TSHZ2: variants seen among roughly 807,000 people sequenced by gnomAD.
TSHZ2 encodes the protein teashirt zinc finger homeobox 2.
In TSHZ2, 21 loss-of-function variants were observed where a neutral mutation model predicts 74.4. The ratio of observed to expected loss-of-function variants is 0.28; its 90% CI spans 0.20 to 0.41. The LOEUF (loss-of-function observed/expected upper bound fraction) is 0.41, where lower values mean the gene tolerates loss of function less well. Ranked by LOEUF, TSHZ2 falls within the 10% of genes least tolerant of loss-of-function variation. The probability of loss-of-function intolerance (pLI) is 1.00; values close to 1 mark genes in which losing one functional copy is unlikely to be tolerated. For synonymous variants in TSHZ2, 540 were observed against 515.3 expected, an observed-to-expected ratio of 1.05 and a Z score of -0.65; for missense variants, 1,244 against 1,293.5, an observed-to-expected ratio of 0.96 and a Z score of 0.59.
intron 1 of TSHZ2, among the ~76,000 whole-genome samples, chr20:53,250,642 C>T (rs1990304437): frequency 6.6e-6 from 1 of 152,144 alleles, no homozygotes; most frequent in African/African-American, 2.4e-5. Context: ...CAAAAAGGGT[C>T]TCTCAGCACG....
chr20:52,998,745 A>G (rs1982299956), intron 1 of TSHZ2, among the ~76,000 whole-genome samples: 1 of 152,054 alleles, frequency 6.6e-6, no homozygotes, highest in Non-Finnish European at 1.5e-5. Flanking sequence ...ACCTGCTGGG[A>G]CCCCACCATA....
intron 1 of TSHZ2, among the ~76,000 whole-genome samples, chr20:53,142,237 G>C: frequency 6.6e-6 from 1 of 152,192 alleles, no homozygotes; most frequent in East Asian, 1.9e-4. Context: ...AGGTAATTTT[G>C]TTTCACTCTC....
At chr20:53,486,603 C>T (rs1986294835) in intron 2 of TSHZ2, among the ~76,000 whole-genome samples, 1 of 152,130 alleles carries the variant, frequency 6.6e-6, no homozygotes, top group Admixed American at 6.6e-5. Context: ...TCACTTGGGC[C>T]TGGCAGGTTG....
intron 1 of TSHZ2, among the ~76,000 whole-genome samples, chr20:53,043,277 T>C (rs1984111930): frequency 6.6e-6 from 1 of 152,202 alleles, no homozygotes; most frequent in African/African-American, 2.4e-5. Context: ...GCCTTATTTA[T>C]ACTGTTCTCA....
chr20:53,006,766 C>A (rs1272533721), intron 1 of TSHZ2, among the ~76,000 whole-genome samples: 1 of 152,236 alleles, frequency 6.6e-6, no homozygotes, highest in Non-Finnish European at 1.5e-5. Context: ...ACATCATTTT[C>A]TTTGGTACAG....
At chr20:53,232,026 G>A (rs368183887) in intron 1 of TSHZ2, among the ~76,000 whole-genome samples, 2 of 151,930 alleles carry the variant, frequency 1.3e-5, no homozygotes, top group African/African-American at 4.8e-5. Flanking sequence ...CTGAGACTAC[G>A]GGCGCCTGCT....
chr20:53,280,335 T>C (rs893018053), intron 2 of TSHZ2, among the ~76,000 whole-genome samples: 2 of 152,172 alleles, frequency 1.3e-5, no homozygotes, highest in African/African-American at 4.8e-5. Context: ...CCAAAGCAGG[T>C]CAATTTATAT....
chr20:53,398,965 C>T (rs183867385), intron 2 of TSHZ2: 3 of 152,224 alleles, frequency 2.0e-5, no homozygotes, highest in African/African-American at 7.2e-5. Flanking sequence ...GAAATCATAG[C>T]CACAACATGT....
At chr20:53,481,849 C>T (rs985124640) in intron 2 of TSHZ2, among the ~76,000 whole-genome samples, 1 of 151,826 alleles carries the variant, frequency 6.6e-6, no homozygotes, top group African/African-American at 2.4e-5. Flanking sequence ...TACGCCTGTA[C>T]TCCCAGCACT....
At chr20:53,078,539 T>C (rs1260496422) in intron 1 of TSHZ2, among the ~76,000 whole-genome samples, 3 of 152,212 alleles carry the variant, frequency 2.0e-5, no homozygotes, top group African/African-American at 7.2e-5. Context: ...GGAGGAATTA[T>C]TATAGGTTTT....
intron 1 of TSHZ2, among the ~76,000 whole-genome samples, chr20:53,238,758 A>G (rs1482038044): frequency 5.3e-5 from 8 of 150,340 alleles, no homozygotes; most frequent in Non-Finnish European, 1.0e-4. Context: ...TCTCCTTTCC[A>G]ATGTGTCTGT....
At chr20:53,333,650 G>T (rs1169621572) in intron 2 of TSHZ2, among the ~76,000 whole-genome samples, 2 of 152,120 alleles carry the variant, frequency 1.3e-5, no homozygotes, top group East Asian at 3.9e-4. Context: ...TAGAGACGGG[G>T]TTTCACCATG....
Position 53,253,747 on chromosome 20 carries a change from A to T in TSHZ2, c.289A>T (p.Ser97Cys). ...CAGTGATCAGGTGTCGGACATCAAG[A>T]GTGTCTGCGGCAGAGATGCCTCAGA... ...DASDQVSDIK[S>C]VCGRDASDKK... is the part of the protein sequence containing the mutation. Residue 97 changes from serine (S) to cysteine (C), a missense_variant, in exon 2 of 3, where the codon AGT (serine) becomes TGT (cysteine). By Grantham distance (112) the Ser-to-Cys change is moderately radical. This residue lies in a region of TSHZ2 where 470 missense variants were observed against 456.5 expected (regional missense o/e 1.03). Transcript: ENST00000371497. 1 of 1,614,192 alleles carries T rather than the reference A, an allele frequency of 6.2e-7. No homozygotes were observed. Among genetic ancestry groups the T allele is most frequent in the Non-Finnish European group, 8.5e-7 (1 of 1,180,032 alleles).
intron 1 of TSHZ2, among the ~76,000 whole-genome samples, chr20:53,113,449 A>G (rs938939059): frequency 1.3e-5 from 2 of 152,218 alleles, no homozygotes; most frequent in Non-Finnish European, 2.9e-5. Flanking sequence ...TGTTTAGCGT[A>G]TAAAATGTTT....
At chr20:53,464,469 T>G (rs1386306707) in intron 2 of TSHZ2, among the ~76,000 whole-genome samples, 1 of 151,326 alleles carries the variant, frequency 6.6e-6, no homozygotes, top group Non-Finnish European at 1.5e-5. Flanking sequence ...GAGCTTGGAT[T>G]TTTTTTTTCT....
At chr20:52,982,164 C>A (rs547772261) in intron 1 of TSHZ2, among the ~76,000 whole-genome samples, 1 of 152,304 alleles carries the variant, frequency 6.6e-6, no homozygotes, top group Admixed American at 6.5e-5. Context: ...TTATAACTTT[C>A]AAGTATAATC....
chr20:53,112,595 C>T (rs555500782), intron 1 of TSHZ2, among the ~76,000 whole-genome samples: 9 of 152,276 alleles, frequency 5.9e-5, no homozygotes, highest in African/African-American at 2.2e-4. Flanking sequence ...GTGGTATGAT[C>T]ATGGCTCACT....
At chr20:52,997,879 C>CA (rs1982265322) in intron 1 of TSHZ2, among the ~76,000 whole-genome samples, 1 of 152,198 alleles carries the variant, frequency 6.6e-6, no homozygotes, top group African/African-American at 2.4e-5. Flanking sequence ...TTAGGATAAA[C>CA]AGATGGCCTT....
At chr20:53,395,850 G>A (rs189625012) in intron 2 of TSHZ2, among the ~76,000 whole-genome samples, 1 of 152,254 alleles carries the variant, frequency 6.6e-6, no homozygotes, top group African/African-American at 2.4e-5. Context: ...AGAAGAGGGA[G>A]CTAAAGGGAA....
Sources: allele counts gnomAD v4.1 joint callset (sites outside exome capture counted in the v4.1 genomes callset), GRCh38; gene constraint gnomAD v4.1.1; regional missense constraint gnomAD v4.1.1; transcripts MANE v1.5; gene names NCBI Gene and HGNC (gene_info 2026-07-23, HGNC 2026-07-21).